NAALADL2: variants seen among roughly 807,000 people sequenced by gnomAD.
NAALADL2 encodes inactive N-acetylated-alpha-linked acidic dipeptidase-like protein 2.
In NAALADL2, 76 loss-of-function variants were observed where a neutral mutation model predicts 87.2. That is an observed-to-expected ratio of 0.87 (90% CI 0.72 to 1.05). The LOEUF is 1.05. NAALADL2 is among the 50% of genes least tolerant of loss of function. The pLI is 0.00. For missense variants in NAALADL2, 1,089 were observed against 945.8 expected (o/e 1.15, Z -1.99); for synonymous variants, 354 against 331.0 (o/e 1.07, Z -0.75).
chr3:174,746,235 C>T (rs1734237461), intron 3 of NAALADL2, among the ~76,000 whole-genome samples: 1 of 152,182 alleles, frequency 6.6e-6, no homozygotes, highest in Non-Finnish European at 1.5e-5. Flanking sequence ...AACAAAGTCT[C>T]AGGATACAAA....
At chr3:174,806,441 G>A (rs1719507184) in intron 3 of NAALADL2, among the ~76,000 whole-genome samples, 1 of 152,174 alleles carries the variant, frequency 6.6e-6, no homozygotes, top group Admixed American at 6.5e-5. Context: ...GTGGTTCTCT[G>A]CTCTTGAGCC....
intron 13 of NAALADL2, among the ~76,000 whole-genome samples, chr3:175,781,306 C>T (rs920948083): frequency 3.3e-5 from 5 of 151,976 alleles, no homozygotes; most frequent in Non-Finnish European, 7.4e-5. Context: ...AATGATGTTT[C>T]AGTCAAATAT....
chr3:174,741,925 T>A (rs1473249021), intron 3 of NAALADL2, among the ~76,000 whole-genome samples: 1 of 151,750 alleles, frequency 6.6e-6, no homozygotes, highest in Non-Finnish European at 1.5e-5. Context: ...TCTTGTTAAC[T>A]TACATGGAAT....
intron 1 of NAALADL2, among the ~76,000 whole-genome samples, chr3:174,463,884 C>A (rs921345305): frequency 1.3e-5 from 2 of 152,072 alleles, no homozygotes; most frequent in Admixed American, 1.3e-4. Context: ...AGGTGTGAGC[C>A]ACCGGGCCCG....
intron 10 of NAALADL2, among the ~76,000 whole-genome samples, chr3:175,616,319 CTAAA>C (rs1725347966): frequency 6.7e-6 from 1 of 148,300 alleles, no homozygotes; most frequent in South Asian, 2.1e-4. Flanking sequence ...TTAAATAAAT[CTAAA>C]TAAATATAAT....
At chr3:175,024,999 G>T (rs12629859) in intron 1 of NAALADL2, among the ~76,000 whole-genome samples, 17,328 of 152,088 alleles carry the variant, frequency 0.11, 1,285 homozygotes, top group Middle Eastern at 0.22. Flanking sequence ...AAAAGTATCT[G>T]TTACCTTTTG....
At chr3:175,310,479 T>C (rs1758228231) in intron 4 of NAALADL2, among the ~76,000 whole-genome samples, 1 of 152,070 alleles carries the variant, frequency 6.6e-6, no homozygotes, top group Non-Finnish European at 1.5e-5. Context: ...ACCTAACCAA[T>C]AGCTAATCTC....
intron 2 of NAALADL2, among the ~76,000 whole-genome samples, chr3:174,552,795 CAAAAAAAAAAA>C (rs1164243901): frequency 6.4e-4 from 36 of 55,988 alleles, no homozygotes; most frequent in Admixed American, 1.1e-3. Context: ...GACCCTGCCT[CAAAAAAAAAAA>C]AAAAAAAAAA....
chr3:175,570,624 T>A (rs1284824394), intron 9 of NAALADL2, among the ~76,000 whole-genome samples: 1 of 152,142 alleles, frequency 6.6e-6, no homozygotes, highest in East Asian at 1.9e-4. Flanking sequence ...CTTACACCTG[T>A]AGTCCCAGCA....
chr3:175,802,482 TAG>T (rs1754289954), intron 13 of NAALADL2, among the ~76,000 whole-genome samples: 1 of 149,928 alleles, frequency 6.7e-6, no homozygotes, highest in Non-Finnish European at 1.5e-5. Flanking sequence ...GCCACCACAA[TAG>T]AGAATTATCT....
At chr3:175,407,318 A>G (rs555724438) in intron 5 of NAALADL2, among the ~76,000 whole-genome samples, 39 of 152,350 alleles carry the variant, frequency 2.6e-4, no homozygotes, top group African/African-American at 9.1e-4. Flanking sequence ...GTTGATGCCC[A>G]GTTGACATTC....
At chr3:174,619,062 C>A (rs16862594) in intron 2 of NAALADL2, among the ~76,000 whole-genome samples, 1 of 151,620 alleles carries the variant, frequency 6.6e-6, no homozygotes, top group Non-Finnish European at 1.5e-5. Flanking sequence ...AACAAGTTAC[C>A]TTTTTACATT....
At chr3:175,487,098 G>T (rs1345204159) in intron 9 of NAALADL2, among the ~76,000 whole-genome samples, 1 of 151,976 alleles carries the variant, frequency 6.6e-6, no homozygotes, top group African/African-American at 2.4e-5. Context: ...CCTTATAATG[G>T]CCGGAGAGGC....
intron 3 of NAALADL2, among the ~76,000 whole-genome samples, chr3:174,764,854 G>A (rs34328898): frequency 0.31 from 47,194 of 151,682 alleles, 7,330 homozygotes; most frequent in Middle Eastern, 0.35. Flanking sequence ...TAGAAGAGAG[G>A]TGGACTTTTT....
At chr3:174,963,587 T>G (rs1020520073) in intron 1 of NAALADL2, among the ~76,000 whole-genome samples, 29 of 152,146 alleles carry the variant, frequency 1.9e-4, no homozygotes, top group African/African-American at 6.8e-4. Context: ...GTACATGACT[T>G]CAAGTTTCAC....
At chr3:175,003,149 G>A (rs571195019) in intron 1 of NAALADL2, among the ~76,000 whole-genome samples, 1 of 152,156 alleles carries the variant, frequency 6.6e-6, no homozygotes, top group African/African-American at 2.4e-5. Flanking sequence ...ATTAAAAAAT[G>A]TTTATGCCAT....
At chr3:175,336,783 C>A (rs1216115766) in intron 5 of NAALADL2, among the ~76,000 whole-genome samples, 1 of 152,166 alleles carries the variant, frequency 6.6e-6, no homozygotes, top group African/African-American at 2.4e-5. Flanking sequence ...TCATTGCTAA[C>A]CATGTTCAAA....
intron 2 of NAALADL2, among the ~76,000 whole-genome samples, chr3:174,562,784 T>A (rs2108515106): frequency 6.6e-6 from 1 of 152,056 alleles, no homozygotes; most frequent in East Asian, 1.9e-4. Flanking sequence ...CACGAGACCT[T>A]CTGTAAAAGT....
chr3:174,987,828 A>ATTTATATATATATAAATAT (rs1746182163), intron 1 of NAALADL2, among the ~76,000 whole-genome samples: 1 of 132,358 alleles, frequency 7.6e-6, no homozygotes, highest in Admixed American at 7.1e-5. Flanking sequence ...ATATATATAT[A>ATTTATATATATATAAATAT]ATGAGACCTT....
Sources: gnomAD v4.1 joint callset for allele counts (sites outside exome capture counted in the v4.1 genomes callset) on GRCh38, gnomAD v4.1.1 for gene constraint, MANE v1.5 for transcripts, NCBI Gene and HGNC (gene_info 2026-07-23, HGNC 2026-07-21) for gene names.